Variants in DIMT1 observed in about 807,000 individuals in gnomAD.
The protein encoded by DIMT1 is DIM1 rRNA methyltransferase and ribosome maturation factor.
A neutral mutation model predicts 43.2 loss-of-function variants in DIMT1; 36 were observed. The ratio of observed to expected loss-of-function variants is 0.83; its 90% confidence interval spans 0.64 to 1.10. DIMT1 has a LOEUF of 1.10. Ranked by LOEUF, DIMT1 falls within the 50% of genes least tolerant of loss-of-function variation. DIMT1 has a pLI of 0.00. For missense variants in DIMT1, 341 were observed against 385.3 expected (o/e 0.88, Z 0.96); for synonymous variants, 126 against 130.3 (o/e 0.97, Z 0.22).
chr5:62,390,385 G>A (rs561471059), intron 11 of DIMT1, among the ~76,000 whole-genome samples: 11 of 152,006 alleles, frequency 7.2e-5, no homozygotes, highest in Non-Finnish European at 1.6e-4. Context: ...CTACAAAACT[G>A]TATTATTCCT....
intron 6 of DIMT1, among the ~76,000 whole-genome samples, chr5:62,396,138 G>GGTTTTTTTTTTTTTT (rs1561291151): frequency 3.5e-5 from 2 of 57,630 alleles, no homozygotes; most frequent in Non-Finnish European, 6.6e-5. Flanking sequence ...TGTCACTGCA[G>GGTTTTTTTTTTTTTT]GTTTTTTTTT....
intron 6 of DIMT1, among the ~76,000 whole-genome samples, chr5:62,397,711 C>G (rs531486405): frequency 1.3e-5 from 2 of 151,888 alleles, no homozygotes; most frequent in African/African-American, 4.8e-5. Context: ...TGCAGTGGCG[C>G]GATCTCGGCT....
In DIMT1 at chr5:62,393,966, TG is replaced by T; in HGVS notation, c.651del (p.Ile218SerfsTer9). The T allele has an allele frequency of 1.9e-6, 3 of 1,607,598 alleles. No individual in the cohort carries two copies. The highest frequency in any genetic ancestry group is 1.7e-6 in the Non-Finnish European group (2 of 1,178,328). On this transcript the variant is annotated frameshift_variant, in exon 8 of 12. Coordinates refer to ENST00000199320, the MANE Select transcript of DIMT1 (RefSeq NM_014473.4). LOFTEE classifies it high-confidence loss of function. The stretch of plus-strand genomic sequence containing the variant: ...TATTTTAACCTCACCTGAAAATTGA[TG>T]GGTGGTGGTGGATTCTTAGGTTCTA... ...VRIEPKNPPP[P>X]INFQEWDGLV...
chr5:62,392,116 G>A, intron 10 of DIMT1, 55 bp downstream of exon 10: 2 of 1,603,484 alleles, frequency 1.2e-6, no homozygotes, highest in Non-Finnish European at 1.7e-6. Context: ...GAATAAAAAT[G>A]GACATTTTAA....
intron 3 of DIMT1, among the ~76,000 whole-genome samples, chr5:62,400,997 C>T (rs985739775): frequency 2.0e-5 from 3 of 150,038 alleles, no homozygotes; most frequent in African/African-American, 7.4e-5. Flanking sequence ...GCCATCCACC[C>T]GCCTTAGCCT....
chr5:62,388,425 C>T lies in DIMT1; in HGVS notation c.*585G>A, dbSNP rs899513280. 5 of 152,326 alleles carry T rather than the reference C, an allele frequency of 3.3e-5. No individual in the cohort carries two copies. Among genetic ancestry groups the T allele is most frequent in the African/African-American group, 1.2e-4 (5 of 41,434 alleles). The allele number at this position is 152,326 out of a possible 1,614,324, so 9.4% of individuals were successfully genotyped here. A position where few individuals can be genotyped will look rare whatever the true frequency, so the allele number is the denominator to read the frequency against. On this transcript the variant is annotated 3_prime_UTR_variant, in exon 12 of 12. Transcript: ENST00000199320. The stretch of plus-strand genomic sequence containing the variant: ...AGCAGACTTGGGCTTACCCAGAACC[C>T]TAAGTCTCTGACGCTATAGGATAGC...
chr5:62,403,375 T>A (rs1409365608), intron 1 of DIMT1, 29 bp from the exon 2 acceptor site: 1 of 1,602,134 alleles, frequency 6.2e-7, no homozygotes. Flanking sequence ...CAGCATTAAT[T>A]TTCCTACTGA....
At position 62,388,370 on chromosome 5, in the gene DIMT1, T is replaced by A. The variant is rs1742134154; in HGVS notation, c.*640A>T. On this transcript the variant is annotated 3_prime_UTR_variant, in exon 12 of 12. Coordinates refer to ENST00000199320, the MANE Select transcript of DIMT1 (RefSeq NM_014473.4). ...TTTTACATGTTGGGAGTCATGCCCT[T>A]TAATATGCCTGGCACTGCACGGTGG... 6.6e-6 allele frequency: 1 copy of A among 152,264 alleles called. No homozygotes were observed. The highest frequency in any genetic ancestry group is 1.5e-5 in the Non-Finnish European group (1 of 68,074). 9.4% of individuals were successfully genotyped at this position (152,264 alleles called of 1,614,324 possible).
intron 3 of DIMT1, among the ~76,000 whole-genome samples, chr5:62,401,495 CA>C (rs563279122): frequency 3.2e-3 from 191 of 60,538 alleles, no homozygotes; most frequent in African/African-American, 7.3e-3. Flanking sequence ...ATTCCCTCTC[CA>C]AAAAAAAAAA....
At chr5:62,395,381 G>A (rs373530523) in intron 6 of DIMT1, among the ~76,000 whole-genome samples, 22 of 152,068 alleles carry the variant, frequency 1.4e-4, no homozygotes, top group African/African-American at 5.1e-4. Flanking sequence ...AGGGGTTAAC[G>A]AACAGAAGAG....
chr5:62,395,942 G>T (rs1026438038), intron 6 of DIMT1, among the ~76,000 whole-genome samples: 47 of 152,068 alleles, frequency 3.1e-4, no homozygotes, highest in African/African-American at 1.1e-3. Context: ...GCCCAGGGAG[G>T]CTGAGGTTGC....
At position 62,396,318 on chromosome 5, in the gene DIMT1, G is replaced by C. The variant is rs374147529; in HGVS notation, c.447-1711C>G. Among the ~76,000 whole-genome samples, 20 of 151,852 alleles carry C rather than the reference G, an allele frequency of 1.3e-4. No individual in the cohort carries two copies. The South Asian group carries it at 3.7e-3, about 28-fold the overall frequency. The stretch of plus-strand genomic sequence containing the variant: ...TGAGCTCAGGAGGGGGAGACAGCCT[G>C]GGCAACATGGCAAGACCCATCTCTA... On this transcript the variant is annotated intron_variant, in intron 6 of 11. Transcript: ENST00000199320.
chr5:62,394,191 G>A (rs917644323), intron 7 of DIMT1, 144 bp from the exon 8 acceptor site: 7 of 904,766 alleles, frequency 7.7e-6, no homozygotes, highest in Admixed American at 2.8e-5. Context: ...CACTGGCTGG[G>A]TGCTTTGGCT....
chr5:62,390,766 A>G (rs1386341595), intron 11 of DIMT1, 110 bp downstream of exon 11: 2 of 848,050 alleles, frequency 2.4e-6, no homozygotes, highest in African/African-American at 1.7e-5. Context: ...GTGCTATGCA[A>G]TAACTCTCCC....
intron 11 of DIMT1, among the ~76,000 whole-genome samples, chr5:62,389,880 T>G (rs1742220028): frequency 2.0e-5 from 3 of 152,120 alleles, no homozygotes. Context: ...AAAGAGAAAA[T>G]ATTTCTCTTT....
intron 3 of DIMT1, among the ~76,000 whole-genome samples, chr5:62,401,579 C>T (rs1441501844): frequency 2.2e-5 from 3 of 137,374 alleles, no homozygotes; most frequent in African/African-American, 8.0e-5. Flanking sequence ...CTCATATTTT[C>T]CTTTTTTTTT....
intron 6 of DIMT1, among the ~76,000 whole-genome samples, chr5:62,396,139 G>GTTTTTGTTTTTTTTT (rs1742480180): frequency 8.6e-6 from 1 of 116,746 alleles, no homozygotes; most frequent in African/African-American, 3.6e-5. Context: ...GTCACTGCAG[G>GTTTTTGTTTTTTTTT]TTTTTTTTTT....
chr5:62,394,006 G>A lies in DIMT1; in HGVS notation c.612C>T (p.Ser204=), dbSNP rs773883997. ...NNFRPPPKVE[S]SVVRIEPKNP... ...TCTTAGGTTCTATCCTTACAACACT[G>A]GATTCCACCTTGGGCGGTGGTCTGA... is the stretch of plus-strand genomic sequence containing the variant. The change falls in exon 8 of 12, where the codon TCC becomes TCT. Residue 204 remains serine, a synonymous_variant. Transcript: ENST00000199320. The A allele has an allele frequency of 7.4e-6, 12 of 1,612,344 alleles. No individual in the cohort carries two copies. The East Asian group carries it at 2.5e-4, about 33-fold the overall frequency.
At chr5:62,391,130 T>G in intron 10 of DIMT1, 148 bp from the exon 11 acceptor site, 1 of 599,274 alleles carries the variant, frequency 1.7e-6, no homozygotes, top group Non-Finnish European at 2.9e-6. Flanking sequence ...ACATTAAGAC[T>G]TGGATCTCTA....
Sources: gnomAD v4.1 joint callset for allele counts (sites outside exome capture counted in the v4.1 genomes callset) on GRCh38, gnomAD v4.1.1 for gene constraint, MANE v1.5 for transcripts, NCBI Gene and HGNC (gene_info 2026-07-23, HGNC 2026-07-21) for gene names.